PTGR1: variants seen among roughly 807,000 people sequenced by gnomAD.
The protein encoded by PTGR1 is 15-oxoprostaglandin 13-reductase.
A neutral mutation model predicts 37.7 loss-of-function variants in PTGR1; 23 were observed. The observed-to-expected ratio is 0.61, with a 90% CI of 0.44 to 0.86. The LOEUF (loss-of-function observed/expected upper bound fraction) is 0.86. Ranked by LOEUF, PTGR1 falls within the 40% of genes least tolerant of loss-of-function variation. The pLI, the probability that PTGR1 is intolerant of heterozygous loss-of-function variation, is 0.00. For synonymous variants in PTGR1, 134 were observed against 140.0 expected (o/e 0.96, Z 0.30); for missense variants, 351 against 394.3 (o/e 0.89, Z 0.93).
intron 4 of PTGR1, 56 bp downstream of exon 4, chr9:111,592,870 C>G (rs1159794399): frequency 1.9e-6 from 3 of 1,580,694 alleles, no homozygotes; most frequent in African/African-American, 1.4e-5. Flanking sequence ...CAGGACCCAG[C>G]AGGAGGTAAA....
At chr9:111,557,439 TTA>T (rs781480630) in intron 9 of PTGR1, among the ~76,000 whole-genome samples, 30 of 61,674 alleles carry the variant, frequency 4.9e-4, no homozygotes, top group Non-Finnish European at 9.5e-4. Flanking sequence ...GGAAAACTCA[TTA>T]TCTTTTTTTT....
At chr9:111,592,614 G>GAGA (rs1401485085) in intron 4 of PTGR1, 1 of 238,780 alleles carries the variant, frequency 4.2e-6, no homozygotes, top group Non-Finnish European at 8.0e-6. Flanking sequence ...GGAACAAAGA[G>GAGA]AGAACCCTGT....
At chr9:111,565,582 G>A (rs1828524322) in intron 9 of PTGR1, among the ~76,000 whole-genome samples, 1 of 152,104 alleles carries the variant, frequency 6.6e-6, no homozygotes, top group Admixed American at 6.5e-5. Flanking sequence ...GAGGACAGTG[G>A]CACATTCAGA....
chr9:111,597,224 T>G, intron 2 of PTGR1, 93 bp downstream of exon 2: 1 of 974,738 alleles, frequency 1.0e-6, no homozygotes, highest in Non-Finnish European at 1.6e-6. Context: ...CCGTTGTTGC[T>G]TAAAGTCACT....
At chr9:111,576,517 TG>T in intron 7 of PTGR1, 1 of 1,508,388 alleles carries the variant, frequency 6.6e-7, no homozygotes, top group Non-Finnish European at 9.1e-7. Flanking sequence ...AAGAGCTGGA[TG>T]GAGTATGAAT....
At chr9:111,550,389 CTAT>C (rs1439740224) in intron 9 of PTGR1, among the ~76,000 whole-genome samples, 1 of 152,114 alleles carries the variant, frequency 6.6e-6, no homozygotes, top group Non-Finnish European at 1.5e-5. Context: ...GAGGAAGTGG[CTAT>C]TATTGTCCAC....
intron 4 of PTGR1, chr9:111,589,516 C>G (rs1829542706): frequency 4.0e-6 from 1 of 250,132 alleles, no homozygotes; most frequent in African/African-American, 2.3e-5. Flanking sequence ...CTTGGCCTCC[C>G]AAAGTGTTAG....
At chr9:111,556,114 C>G (rs7852169) in intron 9 of PTGR1, among the ~76,000 whole-genome samples, 22,212 of 152,214 alleles carry the variant, frequency 0.15, 2,071 homozygotes, top group East Asian at 0.26. Flanking sequence ...AGAGATTGAC[C>G]AAGACAAAGG....
At chr9:111,579,164 A>T (rs12341784) in intron 6 of PTGR1, among the ~76,000 whole-genome samples, 1 of 151,458 alleles carries the variant, frequency 6.6e-6, no homozygotes, top group Admixed American at 6.6e-5. Flanking sequence ...GCTTCTGACC[A>T]CCCAGCAGGT....
At chr9:111,552,447 A>G (rs1239404310) in intron 9 of PTGR1, among the ~76,000 whole-genome samples, 3 of 152,246 alleles carry the variant, frequency 2.0e-5, no homozygotes, top group African/African-American at 7.2e-5. Flanking sequence ...GAATAGAGCA[A>G]TGAGGGAAAA....
At chr9:111,582,870 T>C (rs971044485) in intron 6 of PTGR1, among the ~76,000 whole-genome samples, 1 of 152,218 alleles carries the variant, frequency 6.6e-6, no homozygotes, top group Non-Finnish European at 1.5e-5. Flanking sequence ...AAAGGATCAG[T>C]TGAGCCAGAT....
intron 7 of PTGR1, among the ~76,000 whole-genome samples, chr9:111,575,104 C>T (rs1829003204): frequency 6.6e-6 from 1 of 152,116 alleles, no homozygotes; most frequent in Non-Finnish European, 1.5e-5. Context: ...CGTTCCAGAC[C>T]AGCCTGGCCA....
rs147666952 is a variant in PTGR1, at chr9:111,595,662, C to A, written c.107-1395G>T. On this transcript the variant is annotated intron_variant, in intron 2 of 9. Coordinates refer to ENST00000407693, the MANE Select transcript of PTGR1 (RefSeq NM_001146108.2). ...TTATTTATTTTTTTTGAGATGGAGTCTTGCTCTGTCGCCCAGGCTGGAGTG... is the reference window on the plus strand; with the variant it reads ...TTATTTATTTTTTTTGAGATGGAGTATTGCTCTGTCGCCCAGGCTGGAGTG... Among the ~76,000 whole-genome samples the A allele has an allele frequency of 2.1e-3, 319 of 152,204 alleles. 11 individuals are homozygous for A. In the East Asian group the frequency reaches 0.055, roughly 26 times the overall value.
At chr9:111,565,705 G>T (rs1828531224) in intron 9 of PTGR1, among the ~76,000 whole-genome samples, 1 of 151,806 alleles carries the variant, frequency 6.6e-6, no homozygotes, top group South Asian at 2.1e-4. Flanking sequence ...TTAACTTTTT[G>T]TTTTTTGTAG....
Position 111,563,074 on chromosome 9 carries a change from A to C in PTGR1, c.*47T>G. 1 of 1,598,940 alleles carries C rather than the reference A, an allele frequency of 6.3e-7. No homozygotes were observed. Among genetic ancestry groups the C allele is most frequent in the Non-Finnish European group, 8.5e-7 (1 of 1,173,528 alleles). On this transcript the variant is annotated 3_prime_UTR_variant, in exon 10 of 10. Coordinates refer to ENST00000407693, the MANE Select transcript of PTGR1 (RefSeq NM_001146108.2). Reference sequence around the variant, plus strand: ...ATTTTTGCTAAATGGTGAAAAACAAATTAACTAATCATCTAAATGGCCTCC... The same window carrying C: ...ATTTTTGCTAAATGGTGAAAAACAACTTAACTAATCATCTAAATGGCCTCC...
intron 9 of PTGR1, among the ~76,000 whole-genome samples, chr9:111,568,441 C>T (rs541178760): frequency 1.3e-5 from 2 of 152,124 alleles, no homozygotes; most frequent in African/African-American, 2.4e-5. Context: ...TCTCTGCTTT[C>T]GAACCCTGTT....
At chr9:111,596,150 C>A (rs1471204811) in intron 2 of PTGR1, among the ~76,000 whole-genome samples, 1 of 152,222 alleles carries the variant, frequency 6.6e-6, no homozygotes, top group Non-Finnish European at 1.5e-5. Context: ...CTGGAAAGGT[C>A]TTTGTGGCAG....
intron 6 of PTGR1, among the ~76,000 whole-genome samples, chr9:111,580,861 C>T (rs4978448): frequency 0.37 from 55,627 of 151,972 alleles, 10,652 homozygotes; most frequent in African/African-American, 0.47. Context: ...TTGTTTCTAG[C>T]ATAGCGTCCC....
chr9:111,587,142 G>A (rs975503046), intron 4 of PTGR1, among the ~76,000 whole-genome samples: 5 of 151,942 alleles, frequency 3.3e-5, no homozygotes, highest in Admixed American at 1.3e-4. Context: ...TTAACACAGG[G>A]TCACCCAAAA....
Sources: gnomAD v4.1 joint callset for allele counts (sites outside exome capture counted in the v4.1 genomes callset) on GRCh38, gnomAD v4.1.1 for gene constraint, MANE v1.5 for transcripts, NCBI Gene and HGNC (gene_info 2026-07-23, HGNC 2026-07-21) for gene names.